The following SASH1 variants were observed in gnomAD, a reference collection of about 807,000 sequenced individuals.
SASH1 encodes SAM and SH3 domain-containing protein 1.
A neutral mutation model predicts 125.2 loss-of-function variants in SASH1; 44 were observed. The observed-to-expected ratio is 0.35, with a 90% CI of 0.28 to 0.45. SASH1 has a LOEUF of 0.45. Among genes scored for constraint, SASH1 ranks in the 20% least tolerant of loss-of-function variants. The probability of loss-of-function intolerance (pLI) is 1.00; values close to 1 mark genes in which losing one functional copy is unlikely to be tolerated. For missense variants in SASH1, 1,426 were observed against 1,614.5 expected (o/e 0.88, Z 2.00); for synonymous variants, 639 against 649.1 (o/e 0.98, Z 0.24).
In SASH1 at chr6:148,477,586, C is replaced by T. The variant is rs1045533551; in HGVS notation, c.627+3364C>T. Among the ~76,000 whole-genome samples the T allele has an allele frequency of 4.6e-5, 7 of 151,582 alleles. No homozygotes were observed. In the East Asian group the frequency reaches 7.7e-4, roughly 17 times the overall value. On this transcript the variant is annotated intron_variant, in intron 7 of 19. Transcript: ENST00000367467. ...TGTCGCCCAGGCTGGAATGCAGTGGCGAGATCTCGGCTCACTGCGACCTCC... is the reference window on the plus strand; with the variant it reads ...TGTCGCCCAGGCTGGAATGCAGTGGTGAGATCTCGGCTCACTGCGACCTCC...
At chr6:148,505,030 A>T (rs75503999) in intron 8 of SASH1, among the ~76,000 whole-genome samples, 2,904 of 152,276 alleles carry the variant, frequency 0.019, 47 homozygotes, top group Admixed American at 0.026. Context: ...CATGAACTTC[A>T]TGTGTATTTC....
At chr6:148,287,992 G>A (rs768562995) in intron 1 of SASH1, among the ~76,000 whole-genome samples, 1 of 152,208 alleles carries the variant, frequency 6.6e-6, no homozygotes, top group Non-Finnish European at 1.5e-5. Flanking sequence ...TTCAAAGCAA[G>A]TCCACTTTTT....
intron 1 of SASH1, among the ~76,000 whole-genome samples, chr6:148,354,184 C>CA: frequency 6.6e-6 from 1 of 150,852 alleles, no homozygotes; most frequent in African/African-American, 2.4e-5. Flanking sequence ...CAAAACAGAA[C>CA]AAAAAAGAAA....
At chr6:148,228,666 T>C in the SASH1 span, among the ~76,000 whole-genome samples, 10 of 152,198 alleles carry the variant, frequency 6.6e-5, no homozygotes, top group Admixed American at 3.9e-4. Context: ...ACCAAGGTGT[T>C]CTTCAAGTGA....
upstream of SASH1, among the ~76,000 whole-genome samples, chr6:148,271,177 T>TGG (rs1480294998): frequency 1.3e-5 from 2 of 152,164 alleles, no homozygotes; most frequent in East Asian, 3.9e-4. Flanking sequence ...CCCAAAGTGC[T>TGG]GGGATTACAG....
At chr6:148,381,333 A>C (rs956075870) in intron 1 of SASH1, among the ~76,000 whole-genome samples, 1 of 152,216 alleles carries the variant, frequency 6.6e-6, no homozygotes. Context: ...CCTAGGGTCA[A>C]GCAGGCTGCA....
At chr6:148,218,624 G>T in the SASH1 span, among the ~76,000 whole-genome samples, 1 of 152,284 alleles carries the variant, frequency 6.6e-6, no homozygotes, top group South Asian at 2.1e-4. Context: ...CTGGTGCTGG[G>T]ACCTTGGAGG....
the SASH1 span, among the ~76,000 whole-genome samples, chr6:148,235,089 A>T: frequency 6.6e-6 from 1 of 152,144 alleles, no homozygotes; most frequent in African/African-American, 2.4e-5. Flanking sequence ...TTTGGCTCAG[A>T]AGTTTAATAA....
intron 1 of SASH1, among the ~76,000 whole-genome samples, chr6:148,363,258 G>A (rs1782314571): frequency 6.6e-6 from 1 of 152,186 alleles, no homozygotes; most frequent in African/African-American, 2.4e-5. Context: ...GGACGTGGCG[G>A]TGGATAGTGT....
Position 148,289,861 on chromosome 6 carries a change from GTTT to G in SASH1, n.74+17506_74+17508del, listed in dbSNP as rs144013796. Among the ~76,000 whole-genome samples the G allele has an allele frequency of 4.6e-3, 398 of 85,892 alleles. 3 individuals carry two copies. Among genetic ancestry groups the G allele is most frequent in the South Asian group, 0.022 (48 of 2,160 alleles). The allele number at this position is 85,892 out of a possible 152,430, so 56.3% of individuals were successfully genotyped here. A position where few individuals can be genotyped will look rare whatever the true frequency, so the allele number is the denominator to read the frequency against. ...GAGGAAAATGGTTTTTTTTGGTTGT[GTTT>G]TTTTTTTTTTTTTTTTTTTTTGAGA... On this transcript the variant is annotated intron_variant and non_coding_transcript_variant, in intron 1 of 3. Coordinates refer to the SASH1 transcript ENST00000367469.
chr6:148,433,613 C>T (rs1213896415), intron 2 of SASH1, among the ~76,000 whole-genome samples: 1 of 151,950 alleles, frequency 6.6e-6, no homozygotes, highest in South Asian at 2.1e-4. Context: ...AGTATGTTGG[C>T]CAGGCTGGTC....
chr6:148,344,796 C>T (rs1781467652), intron 1 of SASH1, among the ~76,000 whole-genome samples: 1 of 151,120 alleles, frequency 6.6e-6, no homozygotes, highest in South Asian at 2.1e-4. Context: ...TGCTCCGTCG[C>T]CCAGGCTGGG....
At chr6:148,423,243 G>T (rs1775655397) in intron 2 of SASH1, among the ~76,000 whole-genome samples, 1 of 152,138 alleles carries the variant, frequency 6.6e-6, no homozygotes, top group Non-Finnish European at 1.5e-5. Flanking sequence ...AGCCCCATGT[G>T]TTTTTTAATG....
intron 5 of SASH1, among the ~76,000 whole-genome samples, chr6:148,470,910 C>T (rs75882651): frequency 0.031 from 4,732 of 152,186 alleles, 106 homozygotes; most frequent in Non-Finnish European, 0.046. Flanking sequence ...ACTCCCCTGA[C>T]CTGTGGGCCC....
Position 148,281,037 on chromosome 6 carries a change from G to T in SASH1, n.74+8660G>T, listed in dbSNP as rs551319167. Among the ~76,000 whole-genome samples the T allele has an allele frequency of 2.0e-4, 30 of 151,800 alleles. 1 individual carries two copies. In the South Asian group the frequency reaches 5.9e-3, roughly 30 times the overall value. On this transcript the variant is annotated intron_variant and non_coding_transcript_variant, in intron 1 of 3. Transcript: ENST00000367469. ...TGGCTCACTGAACCTCCACCTCCCG[G>T]GTTCAAGCAATTCTCCTGCCTCAGC...
intron 8 of SASH1, among the ~76,000 whole-genome samples, chr6:148,492,666 A>G (rs1260342991): frequency 1.3e-5 from 2 of 152,038 alleles, no homozygotes; most frequent in Non-Finnish European, 2.9e-5. Context: ...AAAATACAAT[A>G]GAAAATTAGC....
At chr6:148,352,317 G>A (rs1286413886) in intron 1 of SASH1, among the ~76,000 whole-genome samples, 1 of 152,140 alleles carries the variant, frequency 6.6e-6, no homozygotes, top group African/African-American at 2.4e-5. Context: ...GAGAACAAAG[G>A]CCAGGCTTGG....
At chr6:148,298,451 G>A (rs953331661) in intron 1 of SASH1, among the ~76,000 whole-genome samples, 8 of 152,026 alleles carry the variant, frequency 5.3e-5, no homozygotes, top group Non-Finnish European at 2.9e-5. Flanking sequence ...GCAACATGGC[G>A]AGACCCTATC....
chr6:148,285,862 C>G (rs1779468092), intron 1 of SASH1, among the ~76,000 whole-genome samples: 1 of 152,116 alleles, frequency 6.6e-6, no homozygotes, highest in South Asian at 2.1e-4. Context: ...TCAGCAGGTG[C>G]CTCAGATTCT....
Sources: allele counts gnomAD v4.1 joint callset (sites outside exome capture counted in the v4.1 genomes callset), GRCh38; gene constraint gnomAD v4.1.1; transcripts MANE v1.5; gene names NCBI Gene and HGNC (gene_info 2026-07-23, HGNC 2026-07-21).